GABRG3: variants seen among roughly 807,000 people sequenced by gnomAD.
GABRG3 encodes gamma-aminobutyric acid receptor subunit gamma-3.
A neutral mutation model predicts 48.8 loss-of-function variants in GABRG3; 25 were observed. That is an observed-to-expected ratio of 0.51 (90% CI 0.37 to 0.72). The LOEUF is 0.72. Among genes scored for constraint, GABRG3 ranks in the 30% least tolerant of loss-of-function variants. The pLI is 0.00. For missense variants in GABRG3, 394 were observed against 577.9 expected, an observed-to-expected ratio of 0.68 and a Z score of 3.26; for synonymous variants, 227 against 217.6, an observed-to-expected ratio of 1.04 and a Z score of -0.38.
intron 3 of GABRG3, among the ~76,000 whole-genome samples, chr15:27,035,828 G>C (rs1037400885): frequency 6.6e-6 from 1 of 152,214 alleles, no homozygotes; most frequent in Non-Finnish European, 1.5e-5. Flanking sequence ...GGCGGTGGGG[G>C]CTGGAAAGGC....
intron 6 of GABRG3, among the ~76,000 whole-genome samples, chr15:27,495,627 A>G (rs905304098): frequency 1.3e-5 from 2 of 152,214 alleles, no homozygotes; most frequent in Non-Finnish European, 2.9e-5. Flanking sequence ...TTCATGTTCA[A>G]TTCATCCATT....
chr15:27,197,294 T>C (rs1296784372), intron 3 of GABRG3, among the ~76,000 whole-genome samples: 1 of 152,202 alleles, frequency 6.6e-6, no homozygotes, highest in Non-Finnish European at 1.5e-5. Context: ...ATACTTTTCA[T>C]TTAAAATTCA....
At chr15:27,274,506 A>T (rs7168033) in intron 3 of GABRG3, among the ~76,000 whole-genome samples, 99,421 of 151,934 alleles carry the variant, frequency 0.65, 33,565 homozygotes, top group African/African-American at 0.78. Context: ...CAAGAACCAG[A>T]CCAGCCTCAC....
chr15:27,192,723 G>T (rs181965957), intron 3 of GABRG3, among the ~76,000 whole-genome samples: 3 of 152,116 alleles, frequency 2.0e-5, no homozygotes, highest in African/African-American at 7.2e-5. Flanking sequence ...CTCTCAACTC[G>T]TCATTCTCCG....
At chr15:27,156,637 C>G (rs1342152008) in intron 3 of GABRG3, among the ~76,000 whole-genome samples, 1 of 152,164 alleles carries the variant, frequency 6.6e-6, no homozygotes, top group Non-Finnish European at 1.5e-5. Flanking sequence ...ACAAGTATGT[C>G]TCTTCCATCT....
chr15:27,306,683 T>TGAAC (rs1892501659), intron 3 of GABRG3, among the ~76,000 whole-genome samples: 4 of 77,886 alleles, frequency 5.1e-5, no homozygotes, highest in South Asian at 2.9e-4. Context: ...TAAACATATA[T>TGAAC]ATGAACATGT....
chr15:27,390,427 T>C (rs8041046), intron 5 of GABRG3, among the ~76,000 whole-genome samples: 95,016 of 152,098 alleles, frequency 0.62, 30,209 homozygotes, highest in East Asian at 0.99. Flanking sequence ...ATAATTTTTG[T>C]CTGTTTTGAT....
intron 3 of GABRG3, among the ~76,000 whole-genome samples, chr15:27,184,798 T>G (rs1888040940): frequency 6.6e-6 from 1 of 152,232 alleles, no homozygotes; most frequent in African/African-American, 2.4e-5. Flanking sequence ...GGTCCACTTC[T>G]TTTTAACTGG....
intron 5 of GABRG3, among the ~76,000 whole-genome samples, chr15:27,465,792 A>G (rs1889589554): frequency 6.6e-6 from 1 of 152,338 alleles, no homozygotes; most frequent in South Asian, 2.1e-4. Flanking sequence ...CACAACAAGG[A>G]TACATACAGT....
rs554133041 is a variant in GABRG3 at position 27,238,854 on chromosome 15, T to C, written c.271-87955T>C. Among the ~76,000 whole-genome samples the C allele has an allele frequency of 2.6e-5, 4 of 152,340 alleles. No individual in the cohort carries two copies. The South Asian group carries it at 8.3e-4, about 32-fold the overall frequency. Reference sequence around the variant, plus strand: ...CAAAGAACAGCCAACGTTGCTATTGTGCTGTACTAACCCAGGGTTAGGATT... The same window carrying C: ...CAAAGAACAGCCAACGTTGCTATTGCGCTGTACTAACCCAGGGTTAGGATT... On this transcript the variant is annotated intron_variant, in intron 3 of 9. Transcript: ENST00000615808.
At chr15:27,369,416 A>C (rs772214900) in intron 5 of GABRG3, among the ~76,000 whole-genome samples, 2 of 152,240 alleles carry the variant, frequency 1.3e-5, no homozygotes, top group Non-Finnish European at 2.9e-5. Context: ...AAACAATGCC[A>C]TTGTAGACAG....
intron 3 of GABRG3, among the ~76,000 whole-genome samples, chr15:27,109,006 T>C (rs1426343830): frequency 2.0e-5 from 3 of 152,132 alleles, no homozygotes; most frequent in Non-Finnish European, 4.4e-5. Flanking sequence ...GCTTCGTTTC[T>C]CTTTTTCACC....
intron 3 of GABRG3, among the ~76,000 whole-genome samples, chr15:27,308,433 C>G (rs577665289): frequency 2.1e-5 from 3 of 143,820 alleles, no homozygotes; most frequent in Non-Finnish European, 4.5e-5. Context: ...GTAAACATAC[C>G]TGTTTATATA....
chr15:27,338,921 C>T (rs1222768690), intron 5 of GABRG3, among the ~76,000 whole-genome samples: 1 of 152,172 alleles, frequency 6.6e-6, no homozygotes, highest in Non-Finnish European at 1.5e-5. Context: ...TGCTTCATAT[C>T]TGGTGTGTGT....
chr15:27,344,658 A>T, intron 5 of GABRG3, among the ~76,000 whole-genome samples: 1 of 152,208 alleles, frequency 6.6e-6, no homozygotes. Flanking sequence ...AAATTAGTAT[A>T]CTTCTCTTTG....
intron 5 of GABRG3, among the ~76,000 whole-genome samples, chr15:27,397,931 A>G (rs1333900246): frequency 2.0e-5 from 3 of 151,252 alleles, no homozygotes; most frequent in Non-Finnish European, 4.4e-5. Flanking sequence ...CAGCCTCCCG[A>G]GTAGCTGGGA....
chr15:27,302,836 T>A (rs1263846149), intron 3 of GABRG3, among the ~76,000 whole-genome samples: 1 of 151,720 alleles, frequency 6.6e-6, no homozygotes, highest in Non-Finnish European at 1.5e-5. Flanking sequence ...CAGAAAAATA[T>A]CGAAACCCAT....
rs576438575 is a variant in GABRG3, at chr15:27,169,384, G to A, written c.270+142563G>A. Among the ~76,000 whole-genome samples, 6 of 152,228 alleles carry A rather than the reference G, an allele frequency of 3.9e-5. No homozygotes were observed. In the South Asian group the frequency reaches 6.2e-4, roughly 16 times the overall value. The stretch of plus-strand genomic sequence containing the variant: ...AAAGGTGTGAGGCTGGGGAAGCACC[G>A]CCCATTGGAGGAACTGATTGAAGGC... On this transcript the variant is annotated intron_variant, in intron 3 of 9. Transcript: ENST00000615808.
chr15:27,440,185 A>G (rs1888741164), intron 5 of GABRG3, among the ~76,000 whole-genome samples: 1 of 152,150 alleles, frequency 6.6e-6, no homozygotes, highest in South Asian at 2.1e-4. Flanking sequence ...TTTCCCTGAC[A>G]GGGCAATGCA....
Sources: gnomAD v4.1 joint callset for allele counts (sites outside exome capture counted in the v4.1 genomes callset) on GRCh38, gnomAD v4.1.1 for gene constraint, MANE v1.5 for transcripts, NCBI Gene and HGNC (gene_info 2026-07-23, HGNC 2026-07-21) for gene names.